Variants in ATAD3C observed in about 807,000 individuals in gnomAD.
ATAD3C encodes the protein ATPase family AAA domain-containing protein 3C.
A neutral mutation model predicts 46.3 loss-of-function variants in ATAD3C; 38 were observed. That is an observed-to-expected ratio of 0.82 (90% CI 0.63 to 1.08). The LOEUF is 1.08. Among genes scored for constraint, ATAD3C ranks in the 50% least tolerant of loss-of-function variants. The pLI is 0.00. For missense variants in ATAD3C, 563 were observed against 572.7 expected (o/e 0.98, Z 0.17); for synonymous variants, 220 against 236.4 (o/e 0.93, Z 0.63).
chr1:1,467,162 C>G (rs779770684), intron 11 of ATAD3C, among the ~76,000 whole-genome samples: 20 of 152,056 alleles, frequency 1.3e-4, no homozygotes, highest in Non-Finnish European at 2.6e-4. Flanking sequence ...TGACATTTAG[C>G]TGTCACTTCT....
At chr1:1,457,537 A>G (rs1638984725) in intron 8 of ATAD3C, among the ~76,000 whole-genome samples, 2 of 135,340 alleles carry the variant, frequency 1.5e-5, no homozygotes, top group African/African-American at 5.8e-5. Flanking sequence ...CGAAGCTTGC[A>G]GTGAGCCGAG....
chr1:1,453,257 C>T (rs557383723), intron 3 of ATAD3C, among the ~76,000 whole-genome samples: 3 of 152,188 alleles, frequency 2.0e-5, no homozygotes, highest in East Asian at 1.9e-4. Flanking sequence ...GGCTGGAGTG[C>T]GGTGGCGCCA....
chr1:1,455,704 T>A, intron 5 of ATAD3C, 87 bp from the exon 6 acceptor site: 1 of 1,584,600 alleles, frequency 6.3e-7, no homozygotes, highest in Non-Finnish European at 8.6e-7. Context: ...GAGAGCGGAG[T>A]CCACACCCAG....
At chr1:1,464,896 G>A (rs1257477073) in intron 11 of ATAD3C, among the ~76,000 whole-genome samples, 2 of 151,790 alleles carry the variant, frequency 1.3e-5, no homozygotes, top group African/African-American at 4.8e-5. Context: ...TTCTCTTTTT[G>A]TCTTTTTGAG....
rs1052187006 is a variant in ATAD3C, at chr1:1,454,813, A to G, written c.378+313A>G. ...TGTCGGGGAAGCTGCTACAGGCCAC[A>G]GTGTCTGGCGGCCTCCCTGGGGAGC... On this transcript the variant is annotated intron_variant, in intron 4 of 11. Coordinates refer to ENST00000378785, the MANE Select transcript of ATAD3C (RefSeq NM_001039211.3). 5.7e-4 allele frequency among the ~76,000 whole-genome samples: 87 copies of G among 151,836 alleles called. 1 individual carries two copies. Among genetic ancestry groups the G allele is most frequent in the East Asian group, 9.7e-4 (5 of 5,168 alleles).
intron 11 of ATAD3C, among the ~76,000 whole-genome samples, chr1:1,466,102 C>T (rs532804759): frequency 1.3e-5 from 2 of 151,490 alleles, no homozygotes; most frequent in African/African-American, 2.4e-5. Context: ...ATTAGTTGGG[C>T]GTGGTGGTGC....
intron 11 of ATAD3C, among the ~76,000 whole-genome samples, chr1:1,463,259 C>A (rs533132394): frequency 6.6e-6 from 1 of 152,176 alleles, no homozygotes; most frequent in East Asian, 1.9e-4. Flanking sequence ...GGAGTGTGGG[C>A]ACGGCCATCC....
intron 2 of ATAD3C, 119 bp downstream of exon 2, chr1:1,452,241 G>A: frequency 1.9e-6 from 3 of 1,579,826 alleles, no homozygotes; most frequent in Non-Finnish European, 2.6e-6. Context: ...CTCCTTGGTG[G>A]GGACACTGCC....
rs1489967676 is a variant in ATAD3C at position 1,449,883 on chromosome 1, C to G, written c.-801C>G. On this transcript the variant is annotated 5_prime_UTR_variant, in exon 1 of 12. Coordinates refer to ENST00000378785, the MANE Select transcript of ATAD3C (RefSeq NM_001039211.3). ...ACCCAAACATTGACCTGTGTCGGTT[C>G]CCCACTAGGAACAAAATGTAACTGA... 1.3e-5 allele frequency: 2 copies of G among 152,014 alleles called. No individual in the cohort carries two copies. The highest frequency in any genetic ancestry group is 4.8e-5 in the African/African-American group (2 of 41,434). The allele number at this position is 152,014 out of a possible 1,614,324, so 9.4% of individuals were successfully genotyped here.
rs1371859756 is a variant in ATAD3C, at chr1:1,456,363, A to G, written c.689+14A>G. ...CAGCCGGCGCGGGTGAGACGTCCCC[A>G]CAGCATGCACCAGGCCCTTGGCTGC... On this transcript the variant is annotated intron_variant, in intron 7 of 11. Coordinates refer to ENST00000378785, the MANE Select transcript of ATAD3C (RefSeq NM_001039211.3). 17 of 1,191,826 alleles carry G rather than the reference A, an allele frequency of 1.4e-5. No individual in the cohort carries two copies. The highest frequency in any genetic ancestry group is 1.8e-5 in the Non-Finnish European group (16 of 894,688). 73.8% of individuals were successfully genotyped at this position (1,191,826 alleles called of 1,614,324 possible). A position where few individuals can be genotyped will look rare whatever the true frequency, so the allele number is the denominator to read the frequency against.
At chr1:1,467,685 G>A (rs1639166841) in intron 11 of ATAD3C, among the ~76,000 whole-genome samples, 1 of 152,102 alleles carries the variant, frequency 6.6e-6, no homozygotes, top group Non-Finnish European at 1.5e-5. Context: ...AGGCGTCCTG[G>A]TGCGCTCTTG....
At position 1,469,329 on chromosome 1, in the gene ATAD3C, T is replaced by TC. The variant is rs1490361961; in HGVS notation, c.*802dup. The TC allele has an allele frequency of 1.4e-5, 2 of 146,388 alleles. No homozygotes were observed. The highest frequency in any genetic ancestry group is 5.0e-5 in the African/African-American group (2 of 39,778). 9.1% of individuals were successfully genotyped at this position (146,388 alleles called of 1,614,324 possible). The stretch of plus-strand genomic sequence containing the variant: ...AGGGCCAGGTGGCACATGCCGGTGG[T>TC]CCCAGCTTCTTGGCTTGGAGGCTGA... On this transcript the variant is annotated 3_prime_UTR_variant, in exon 12 of 12. Transcript: ENST00000378785.
chr1:1,457,447 T>A (rs1638982847), intron 8 of ATAD3C, among the ~76,000 whole-genome samples: 1 of 150,960 alleles, frequency 6.6e-6, no homozygotes, highest in Admixed American at 6.6e-5. Flanking sequence ...ACAAAAAAAA[T>A]TAGCTGTGCG....
chr1:1,451,410 G>A (rs1339789212), intron 1 of ATAD3C, among the ~76,000 whole-genome samples: 4 of 151,612 alleles, frequency 2.6e-5, no homozygotes, highest in Admixed American at 6.6e-5. Context: ...GCAATGGTGC[G>A]ATCTCAGCTC....
intron 8 of ATAD3C, among the ~76,000 whole-genome samples, chr1:1,457,692 G>A (rs1570150557): frequency 6.9e-6 from 1 of 143,994 alleles, no homozygotes; most frequent in Non-Finnish European, 1.5e-5. Flanking sequence ...GTTTTGTTTT[G>A]TTTTTGAGAT....
chr1:1,458,432 AC>A (rs1266267936), intron 8 of ATAD3C, among the ~76,000 whole-genome samples: 1 of 145,150 alleles, frequency 6.9e-6, no homozygotes, highest in Non-Finnish European at 1.5e-5. Context: ...GTACCACCAC[AC>A]CCAGCTCATT....
In ATAD3C at chr1:1,466,273, C is replaced by T. The variant is rs533941150; in HGVS notation, c.1090-2111C>T. On this transcript the variant is annotated intron_variant, in intron 11 of 11. Transcript: ENST00000378785. Reference sequence around the variant, plus strand: ...AAAAAAAAAAAAAAAAATGGCTGGGCGCGGTGGCTCACGCCTGTAATCCCA... The same window carrying T: ...AAAAAAAAAAAAAAAAATGGCTGGGTGCGGTGGCTCACGCCTGTAATCCCA... Among the ~76,000 whole-genome samples, 27 of 146,956 alleles carry T rather than the reference C, an allele frequency of 1.8e-4. 1 individual carries two copies. In the East Asian group the frequency reaches 4.2e-3, roughly 23 times the overall value.
chr1:1,460,518 C>T (rs931779609), intron 9 of ATAD3C, among the ~76,000 whole-genome samples: 4 of 152,044 alleles, frequency 2.6e-5, no homozygotes, highest in Non-Finnish European at 5.9e-5. Flanking sequence ...AAGTACCACA[C>T]GGGGCAAGAA....
chr1:1,457,813 G>A (rs1250899307), intron 8 of ATAD3C, among the ~76,000 whole-genome samples: 1 of 151,212 alleles, frequency 6.6e-6, no homozygotes, highest in Non-Finnish European at 1.5e-5. Flanking sequence ...AAGTAGCTGG[G>A]ATTATAGGCA....
Sources: gnomAD v4.1 joint callset for allele counts (sites outside exome capture counted in the v4.1 genomes callset) on GRCh38, gnomAD v4.1.1 for gene constraint, MANE v1.5 for transcripts, NCBI Gene and HGNC (gene_info 2026-07-23, HGNC 2026-07-21) for gene names.